PHACTR1: variants seen among roughly 807,000 people sequenced by gnomAD.
PHACTR1 encodes RPEL repeat containing 1.
A neutral mutation model predicts 69.2 loss-of-function variants in PHACTR1; 16 were observed. That is an observed-to-expected ratio of 0.23 (90% CI 0.16 to 0.35). The LOEUF (loss-of-function observed/expected upper bound fraction) is 0.35, where lower values mean the gene tolerates loss of function less well. Ranked by LOEUF, PHACTR1 falls within the 10% of genes least tolerant of loss-of-function variation. PHACTR1 has a pLI of 1.00. For synonymous variants in PHACTR1, 312 were observed against 284.5 expected, an observed-to-expected ratio of 1.10 and a Z score of -0.97; for missense variants, 510 against 734.7, an observed-to-expected ratio of 0.69 and a Z score of 3.54.
intron 5 of PHACTR1, among the ~76,000 whole-genome samples, chr6:13,087,378 G>T (rs1247542084): frequency 1.3e-5 from 2 of 151,316 alleles, no homozygotes; most frequent in Non-Finnish European, 2.9e-5. Context: ...GTATAACCAT[G>T]ATACCAAAGC....
chr6:13,129,885 G>C (rs1007705262), intron 5 of PHACTR1, among the ~76,000 whole-genome samples: 1 of 151,912 alleles, frequency 6.6e-6, no homozygotes, highest in African/African-American at 2.4e-5. Context: ...CATTCTCCAA[G>C]ATAGACCATA....
At chr6:12,945,254 C>G (rs1361982683) in intron 4 of PHACTR1, among the ~76,000 whole-genome samples, 1 of 152,124 alleles carries the variant, frequency 6.6e-6, no homozygotes, top group Non-Finnish European at 1.5e-5. Context: ...CTAATCACTC[C>G]CCCAGATTCA....
chr6:12,881,889 C>A (rs542515663), intron 4 of PHACTR1, among the ~76,000 whole-genome samples: 33 of 152,062 alleles, frequency 2.2e-4, no homozygotes, highest in African/African-American at 7.7e-4. Flanking sequence ...GAAATCTCCA[C>A]GATGCAGGAG....
intron 4 of PHACTR1, among the ~76,000 whole-genome samples, chr6:12,885,048 A>G (rs1406398957): frequency 1.3e-5 from 2 of 152,166 alleles, no homozygotes; most frequent in African/African-American, 4.8e-5. Flanking sequence ...CTTTGTGCCT[A>G]GTAATGCTAA....
intron 4 of PHACTR1, among the ~76,000 whole-genome samples, chr6:12,936,819 C>G (rs1789501888): frequency 6.6e-6 from 1 of 152,156 alleles, no homozygotes. Context: ...TGTGGTAAGT[C>G]TTGAGTAACC....
chr6:12,940,212 C>T (rs1562032958), intron 4 of PHACTR1, among the ~76,000 whole-genome samples: 1 of 152,180 alleles, frequency 6.6e-6, no homozygotes. Context: ...TAGGTTTAAG[C>T]TAATTAGGGA....
chr6:12,753,943 AATATATAT>A (rs775836853), intron 4 of PHACTR1, among the ~76,000 whole-genome samples: 2 of 86,252 alleles, frequency 2.3e-5, no homozygotes, highest in East Asian at 5.1e-4. Context: ...GCAAGTTGTA[AATATATAT>A]ATATATATAT....
At chr6:13,142,364 A>G (rs1419584176) in intron 5 of PHACTR1, among the ~76,000 whole-genome samples, 2 of 152,148 alleles carry the variant, frequency 1.3e-5, no homozygotes, top group Non-Finnish European at 2.9e-5. Context: ...TCGGCCTCCC[A>G]AAGTGCTAGG....
chr6:12,867,985 T>C (rs1781627527), intron 4 of PHACTR1, among the ~76,000 whole-genome samples: 3 of 152,040 alleles, frequency 2.0e-5, no homozygotes, highest in Admixed American at 2.0e-4. Context: ...TAAGGCCAGG[T>C]ACGGTGGCTC....
chr6:12,948,744 T>A (rs1790942908), intron 4 of PHACTR1, among the ~76,000 whole-genome samples: 1 of 152,224 alleles, frequency 6.6e-6, no homozygotes, highest in African/African-American at 2.4e-5. Flanking sequence ...TAGGTTTTTT[T>A]ATGTGTTCAT....
At chr6:12,928,807 AACAAAG>A (rs1788561943) in intron 4 of PHACTR1, among the ~76,000 whole-genome samples, 1 of 152,184 alleles carries the variant, frequency 6.6e-6, no homozygotes, top group Admixed American at 6.5e-5. Flanking sequence ...TTGAGTCTAT[AACAAAG>A]ACAGGCAAAG....
At chr6:13,106,558 A>T (rs1436197025) in intron 5 of PHACTR1, among the ~76,000 whole-genome samples, 1 of 152,200 alleles carries the variant, frequency 6.6e-6, no homozygotes, top group Admixed American at 6.5e-5. Context: ...AGCTCACTGC[A>T]GCCTTGACCT....
At chr6:13,268,821 A>G (rs571777780) in intron 10 of PHACTR1, among the ~76,000 whole-genome samples, 2 of 152,362 alleles carry the variant, frequency 1.3e-5, no homozygotes, top group Non-Finnish European at 2.9e-5. Context: ...GCTGCATGTT[A>G]TAGCTATGAT....
At chr6:12,951,551 AC>A (rs1299287460) in intron 4 of PHACTR1, among the ~76,000 whole-genome samples, 2 of 152,238 alleles carry the variant, frequency 1.3e-5, no homozygotes, top group African/African-American at 4.8e-5. Context: ...CCCAGCAGAG[AC>A]AGCTCTGCCC....
intron 8 of PHACTR1, among the ~76,000 whole-genome samples, chr6:13,221,300 G>T (rs1174017449): frequency 1.3e-5 from 2 of 152,140 alleles, no homozygotes; most frequent in Non-Finnish European, 2.9e-5. Context: ...GTCAGATCGT[G>T]AGGCACCTCT....
chr6:13,183,428 T>C (rs1762436302), intron 7 of PHACTR1, among the ~76,000 whole-genome samples: 1 of 143,630 alleles, frequency 7.0e-6, no homozygotes, highest in Non-Finnish European at 1.5e-5. Context: ...TCCACATCCA[T>C]AGGCAGTCAC....
chr6:12,876,423 A>G lies in PHACTR1; in HGVS notation c.250+126633A>G, dbSNP rs1285155277. 1.3e-5 allele frequency among the ~76,000 whole-genome samples: 2 copies of G among 152,228 alleles called. 1 individual carries two copies. Among genetic ancestry groups the G allele is most frequent in the South Asian group, 4.1e-4 (2 of 4,826 alleles). On this transcript the variant is annotated intron_variant, in intron 4 of 14. Transcript: ENST00000332995. ...AAAGAAGCTGAGACAAGAAGCAGTT[A>G]AGAGACTTATCCAAGGTCGCACAGC...
intron 5 of PHACTR1, among the ~76,000 whole-genome samples, chr6:13,054,889 A>G (rs1806539378): frequency 6.6e-6 from 1 of 152,038 alleles, no homozygotes; most frequent in African/African-American, 2.4e-5. Context: ...TTCCCTCTAC[A>G]TCCTCAAAAA....
intron 4 of PHACTR1, among the ~76,000 whole-genome samples, chr6:12,985,706 T>C (rs1181945388): frequency 1.3e-5 from 2 of 151,892 alleles, no homozygotes; most frequent in East Asian, 3.8e-4. Flanking sequence ...AATTATGCAA[T>C]GGTATAGTTC....
Sources: gnomAD v4.1 joint callset for allele counts (sites outside exome capture counted in the v4.1 genomes callset) on GRCh38, gnomAD v4.1.1 for gene constraint, MANE v1.5 for transcripts, NCBI Gene and HGNC (gene_info 2026-07-23, HGNC 2026-07-21) for gene names.